ATF1: variants seen among roughly 807,000 people sequenced by gnomAD.
ATF1 encodes the protein cyclic AMP-dependent transcription factor ATF-1.
In ATF1, 16 loss-of-function variants were observed where a neutral mutation model predicts 34.7. That is an observed-to-expected ratio of 0.46 (90% CI 0.31 to 0.70). ATF1 has a LOEUF of 0.70. ATF1 is among the 30% of genes least tolerant of loss of function. ATF1 has a pLI of 0.05. For missense variants in ATF1, 255 were observed against 321.6 expected (o/e 0.79, Z 1.58); for synonymous variants, 105 against 113.1 (o/e 0.93, Z 0.46).
At chr12:50,795,654 A>G (rs1250756672) in intron 2 of ATF1, among the ~76,000 whole-genome samples, 1 of 152,064 alleles carries the variant, frequency 6.6e-6, no homozygotes, top group Non-Finnish European at 1.5e-5. Context: ...GTAAAATAGT[A>G]CTGCTTCATT....
intron 3 of ATF1, among the ~76,000 whole-genome samples, chr12:50,803,264 G>T (rs1941550110): frequency 7.6e-6 from 1 of 131,572 alleles, no homozygotes; most frequent in South Asian, 2.5e-4. Flanking sequence ...GCGAAACTCT[G>T]TCTCAAAAAA....
intron 4 of ATF1, among the ~76,000 whole-genome samples, chr12:50,813,423 T>C (rs1394960396): frequency 6.6e-6 from 1 of 152,242 alleles, no homozygotes; most frequent in Admixed American, 6.5e-5. Context: ...AAGCATGTTA[T>C]CTATTCAGAA....
intron 2 of ATF1, among the ~76,000 whole-genome samples, chr12:50,792,598 T>G (rs1470108128): frequency 2.1e-5 from 1 of 48,294 alleles, no homozygotes; most frequent in Non-Finnish European, 5.5e-5. Flanking sequence ...TTTCAGTTGC[T>G]GTACCTATAA....
intron 2 of ATF1, among the ~76,000 whole-genome samples, chr12:50,783,209 G>A (rs1262782896): frequency 2.0e-5 from 3 of 151,974 alleles, no homozygotes; most frequent in African/African-American, 7.3e-5. Context: ...AATAATTTTG[G>A]GGGGTCCTCA....
intron 6 of ATF1, 91 bp downstream of exon 6, chr12:50,814,530 G>GCAGCCCAT: frequency 5.3e-6 from 7 of 1,323,040 alleles, no homozygotes; most frequent in South Asian, 1.4e-5. Flanking sequence ...ATACAGTCAT[G>GCAGCCCAT]GGCTGCATGA....
At chr12:50,770,115 T>C (rs542003843) in intron 1 of ATF1, among the ~76,000 whole-genome samples, 5 of 152,366 alleles carry the variant, frequency 3.3e-5, no homozygotes, top group African/African-American at 1.2e-4. Flanking sequence ...GGAACATATT[T>C]GTTTCTCTAT....
intron 3 of ATF1, among the ~76,000 whole-genome samples, chr12:50,807,553 T>C (rs1047444302): frequency 6.6e-6 from 1 of 152,090 alleles, no homozygotes; most frequent in African/African-American, 2.4e-5. Context: ...GAAGTAGAGG[T>C]TTTCAGGAAT....
intron 6 of ATF1, among the ~76,000 whole-genome samples, chr12:50,818,972 T>C (rs1941896330): frequency 6.6e-6 from 1 of 152,232 alleles, no homozygotes; most frequent in South Asian, 2.1e-4. Flanking sequence ...TAAGAGGACA[T>C]GCACAGAACT....
intron 1 of ATF1, among the ~76,000 whole-genome samples, chr12:50,770,428 C>T (rs983181385): frequency 6.6e-6 from 1 of 152,082 alleles, no homozygotes; most frequent in South Asian, 2.1e-4. Context: ...GTCCAGGAGC[C>T]CCAAGTTATC....
chr12:50,772,751 C>CT (rs753474688), intron 1 of ATF1, among the ~76,000 whole-genome samples: 2,868 of 151,228 alleles, frequency 0.019, 37 homozygotes, highest in Non-Finnish European at 0.029. Context: ...TGCGCCTAGC[C>CT]TTTTTTTTTC....
chr12:50,768,746 T>G (rs1376778337), intron 1 of ATF1, among the ~76,000 whole-genome samples: 1 of 152,238 alleles, frequency 6.6e-6, no homozygotes, highest in Admixed American at 6.5e-5. Flanking sequence ...TTAGTAATCT[T>G]TAGGAAATAA....
Position 50,795,966 on chromosome 12 carries a change from T to C in ATF1, c.151T>C (p.Ser51Pro). Residue 51 changes from serine (S) to proline (P), a missense_variant, in exon 3 of 7, where the codon TCA (serine) becomes CCA (proline). Transcript: ENST00000262053. Reference sequence around the variant, plus strand: ...GGACTCATCCGACAGCATAGGCTCCTCACAGAAAGCCCACGGGATCCTAGC... The same window carrying C: ...GGACTCATCCGACAGCATAGGCTCCCCACAGAAAGCCCACGGGATCCTAGC... Reference protein sequence around the residue: ...SQDSSDSIGSSQKAHGILARR... With the variant: ...SQDSSDSIGSPQKAHGILARR... The C allele has an allele frequency of 6.2e-7, 1 of 1,612,990 alleles. No individual in the cohort carries two copies. The highest frequency in any genetic ancestry group is 8.5e-7 in the Non-Finnish European group (1 of 1,179,742).
At chr12:50,804,354 T>C (rs909721280) in intron 3 of ATF1, among the ~76,000 whole-genome samples, 1 of 152,302 alleles carries the variant, frequency 6.6e-6, no homozygotes, top group South Asian at 2.1e-4. Flanking sequence ...TCCAAATGTG[T>C]ATGCATCTAA....
intron 4 of ATF1, among the ~76,000 whole-genome samples, chr12:50,811,185 CA>C (rs1941729286): frequency 6.6e-6 from 1 of 152,202 alleles, no homozygotes; most frequent in Non-Finnish European, 1.5e-5. Context: ...GTCACCTCCA[CA>C]AAGAGACCAC....
rs1941941897 is a variant in ATF1, at chr12:50,821,159, A to T, written c.*1380A>T. On this transcript the variant is annotated 3_prime_UTR_variant, in exon 7 of 7. Transcript: ENST00000262053. The stretch of plus-strand genomic sequence containing the variant: ...AAATATAATGCTTGGTATATGAATG[A>T]TAAGCTTGCTCCTGGCCATGCTGTT... 5.8e-6 allele frequency: 1 copy of T among 173,738 alleles called. No individual in the cohort carries two copies. Among genetic ancestry groups the T allele is most frequent in the African/African-American group, 2.4e-5 (1 of 42,134 alleles). 10.8% of individuals were successfully genotyped at this position (173,738 alleles called of 1,614,324 possible). A position where few individuals can be genotyped will look rare whatever the true frequency, so the allele number is the denominator to read the frequency against.
rs536266827 is a variant in ATF1, at chr12:50,773,854, C to T, written c.-6-6286C>T. 1.4e-3 allele frequency among the ~76,000 whole-genome samples: 211 copies of T among 151,962 alleles called. 2 individuals carry two copies. The highest frequency in any genetic ancestry group is 4.8e-3 in the African/African-American group (198 of 41,424). ...ATCTGCCCGCCTCGATCTCCCAAAG[C>T]GCTAGGATTACAGGTGTGAGTCACC... On this transcript the variant is annotated intron_variant, in intron 1 of 6. Coordinates refer to ENST00000262053, the MANE Select transcript of ATF1 (RefSeq NM_005171.5).
In ATF1 at chr12:50,796,021, CTT is replaced by C; in HGVS notation, c.194+13_194+14del. 6.3e-7 allele frequency: 1 copy of C among 1,581,710 alleles called. No homozygotes were observed. Among genetic ancestry groups the C allele is most frequent in the Non-Finnish European group, 8.6e-7 (1 of 1,161,152 alleles). On this transcript the variant is annotated intron_variant, in intron 3 of 6. Transcript: ENST00000262053. Reference sequence around the variant, plus strand: ...CGCCCATCTTACAGGTGAGTACTCTCTTGTATGAAGCCCTGCATGTTATGATA... The same window carrying C: ...CGCCCATCTTACAGGTGAGTACTCTCGTATGAAGCCCTGCATGTTATGATA...
intron 2 of ATF1, among the ~76,000 whole-genome samples, chr12:50,789,484 C>G (rs1465051508): frequency 6.6e-6 from 1 of 152,066 alleles, no homozygotes; most frequent in Non-Finnish European, 1.5e-5. Flanking sequence ...GAAGTTCTGG[C>G]AGAGTGCAGT....
At chr12:50,763,890 C>G (rs1301136164), upstream of ATF1, 1 of 152,238 alleles carries the variant, frequency 6.6e-6, no homozygotes, top group Non-Finnish European at 1.5e-5. Context: ...CCGCTGCAGC[C>G]TGAGGAACGC....
Sources: allele counts gnomAD v4.1 joint callset (sites outside exome capture counted in the v4.1 genomes callset), GRCh38; gene constraint gnomAD v4.1.1; transcripts MANE v1.5; gene names NCBI Gene and HGNC (gene_info 2026-07-23, HGNC 2026-07-21).